The following C8B variants were observed in gnomAD, a reference collection of about 807,000 sequenced individuals.
The protein encoded by C8B is complement component C8 beta chain.
In C8B, 67 loss-of-function variants were observed where a neutral mutation model predicts 64.6. The ratio of observed to expected loss-of-function variants is 1.04; its 90% CI spans 0.85 to 1.27. The LOEUF is 1.27. Ranked by LOEUF, C8B falls within the 50% of genes most tolerant of loss-of-function variation. The pLI, the probability that C8B is intolerant of heterozygous loss-of-function variation, is 0.00. For missense variants in C8B, 790 were observed against 725.2 expected (o/e 1.09, Z -1.03); for synonymous variants, 284 against 257.7 (o/e 1.10, Z -0.98).
intron 8 of C8B, among the ~76,000 whole-genome samples, chr1:56,942,281 C>T (rs1166307286): frequency 6.6e-6 from 1 of 152,144 alleles, no homozygotes; most frequent in Non-Finnish European, 1.5e-5. Context: ...ATGCAGCTGA[C>T]ACTTACTAAA....
At chr1:56,963,052 A>G (rs1438210550) in intron 1 of C8B, among the ~76,000 whole-genome samples, 2 of 152,164 alleles carry the variant, frequency 1.3e-5, no homozygotes, top group Non-Finnish European at 2.9e-5. Context: ...TGCGATTGCA[A>G]ATAGAGCTAC....
intron 5 of C8B, 77 bp downstream of exon 5, chr1:56,951,971 T>C: frequency 2.0e-6 from 1 of 491,044 alleles, no homozygotes. Flanking sequence ...GCTAGCAGGC[T>C]GTCAGGCCGG....
At chr1:56,958,432 G>T (rs1434712894) in intron 2 of C8B, among the ~76,000 whole-genome samples, 1 of 152,142 alleles carries the variant, frequency 6.6e-6, no homozygotes, top group Non-Finnish European at 1.5e-5. Flanking sequence ...TACTTGCAAA[G>T]GGTCATTCTT....
At chr1:56,957,249 G>A (rs1193318981) in intron 2 of C8B, among the ~76,000 whole-genome samples, 1 of 152,126 alleles carries the variant, frequency 6.6e-6, no homozygotes, top group Non-Finnish European at 1.5e-5. Context: ...GGAGTCAAAG[G>A]TTAGTAGATG....
At position 56,945,936 on chromosome 1, in the gene C8B, G is replaced by T; in HGVS notation, c.990C>A (p.Tyr330Ter). The stretch of plus-strand genomic sequence containing the variant: ...CACGGAAGAGATCTCTGTATTCCCC[G>T]TAGCTGTACTCCAGGGGCAGCCGCT... ...RVKRLPLEYS[Y>*]GEYRDLFRDF... The change falls in exon 7 of 12, where the codon TAC becomes TAA. Residue 330 changes from tyrosine to a stop codon, truncating the protein, a stop_gained. Transcript: ENST00000371237. LOFTEE classifies it high-confidence loss of function. 9 of 1,614,100 alleles carry T rather than the reference G, an allele frequency of 5.6e-6. No homozygotes were observed. The highest frequency in any genetic ancestry group is 7.6e-6 in the Non-Finnish European group (9 of 1,180,002).
intron 8 of C8B, among the ~76,000 whole-genome samples, chr1:56,941,490 AATAGTAGATAGATAGATAC>A (rs1644854932): frequency 7.2e-6 from 1 of 138,564 alleles, no homozygotes; most frequent in Non-Finnish European, 1.5e-5. Context: ...AATAGTAGAT[AATAGTAGATAGATAGATAC>A]ATAGATAGAT....
chr1:56,965,398 A>AGTGT (rs56761445), intron 1 of C8B, among the ~76,000 whole-genome samples: 5,232 of 142,612 alleles, frequency 0.037, 181 homozygotes, highest in East Asian at 0.16. Flanking sequence ...AGAGAGAGAG[A>AGTGT]GTGTGTGTGT....
intron 1 of C8B, 41 bp downstream of exon 1, chr1:56,965,816 T>C: frequency 2.5e-6 from 4 of 1,599,964 alleles, no homozygotes; most frequent in Non-Finnish European, 3.4e-6. Flanking sequence ...ACCTTCCCTG[T>C]CATATTATTG....
chr1:56,958,330 A>G (rs937618459), intron 2 of C8B, among the ~76,000 whole-genome samples: 4 of 152,194 alleles, frequency 2.6e-5, no homozygotes, highest in African/African-American at 9.7e-5. Flanking sequence ...GATGACATTA[A>G]TAAGGCATAG....
At chr1:56,963,748 G>GA in intron 1 of C8B, 1 of 502,502 alleles carries the variant, frequency 2.0e-6, no homozygotes, top group Non-Finnish European at 2.6e-6. Flanking sequence ...CCCTCTCTGT[G>GA]AAACTGTAAA....
intron 7 of C8B, among the ~76,000 whole-genome samples, chr1:56,945,206 TGAA>T (rs1644923498): frequency 6.6e-6 from 1 of 152,140 alleles, no homozygotes; most frequent in African/African-American, 2.4e-5. Flanking sequence ...ATTTTGAATG[TGAA>T]GGTCTGGTCA....
intron 2 of C8B, chr1:56,959,515 A>G (rs1405566934): frequency 2.1e-6 from 3 of 1,396,520 alleles, no homozygotes; most frequent in Non-Finnish European, 2.9e-6. Context: ...AGGAAGTGGG[A>G]AATGTCATCC....
intron 9 of C8B, 105 bp downstream of exon 9, chr1:56,940,744 G>T: frequency 7.8e-7 from 1 of 1,285,618 alleles, no homozygotes; most frequent in Non-Finnish European, 1.1e-6. Flanking sequence ...CCAAAATTAG[G>T]GCCTGGGTCT....
chr1:56,960,573 T>A (rs796073562), intron 1 of C8B, among the ~76,000 whole-genome samples: 5 of 152,100 alleles, frequency 3.3e-5, no homozygotes, highest in African/African-American at 1.2e-4. Flanking sequence ...GCAGGCCCAG[T>A]GGGAGTCAGG....
At chr1:56,965,398 A>AGAGAGT (rs1553120321) in intron 1 of C8B, among the ~76,000 whole-genome samples, 4,807 of 142,620 alleles carry the variant, frequency 0.034, 275 homozygotes, top group Admixed American at 0.17. Context: ...AGAGAGAGAG[A>AGAGAGT]GTGTGTGTGT....
Position 56,931,902 on chromosome 1 carries a change from T to G in C8B, c.1553-24A>C, listed in dbSNP as rs369939729. 3.6e-4 allele frequency: 574 copies of G among 1,583,886 alleles called. 1 individual carries two copies. Among genetic ancestry groups the G allele is most frequent in the Admixed American group, 4.8e-4 (29 of 59,864 alleles). Reference sequence around the variant, plus strand: ...TCCTGAGAAGACAAGGCAGAGAAAGTGTGAATCATGCCAGGTGGAGCAAAG... The same window carrying G: ...TCCTGAGAAGACAAGGCAGAGAAAGGGTGAATCATGCCAGGTGGAGCAAAG... On this transcript the variant is annotated intron_variant, in intron 10 of 11. Coordinates refer to ENST00000371237, the MANE Select transcript of C8B (RefSeq NM_000066.4).
Position 56,965,930 on chromosome 1 carries a change from A to T in C8B, c.19T>A (p.Trp7Arg). 1 of 1,613,952 alleles carries T rather than the reference A, an allele frequency of 6.2e-7. No individual in the cohort carries two copies. Among genetic ancestry groups the T allele is most frequent in the Non-Finnish European group, 8.5e-7 (1 of 1,179,990 alleles). ...AGCTCCACCGGCGCCCTCCAAGCCC[A>T]TGTCCTGGAATTCTTCATTTTCCCA... is the stretch of plus-strand genomic sequence containing the variant. MKNSRT[W>R]AWRAPVELFL... Residue 7 changes from tryptophan (W) to arginine (R), a missense_variant, in exon 1 of 12, where the codon TGG becomes AGG. Physicochemically the swap from Trp to Arg is moderately radical, Grantham distance 101. Transcript: ENST00000371237.
At chr1:56,960,689 C>G (rs1000315675) in intron 1 of C8B, among the ~76,000 whole-genome samples, 1 of 152,214 alleles carries the variant, frequency 6.6e-6, no homozygotes, top group Non-Finnish European at 1.5e-5. Flanking sequence ...TGGGGAGAAC[C>G]AGCATATGAG....
rs997064749 is a variant in C8B at position 56,929,400 on chromosome 1, T to C, written c.*4A>G. The C allele has an allele frequency of 4.3e-6, 7 of 1,612,068 alleles. No individual in the cohort carries two copies. The highest frequency in any genetic ancestry group is 5.9e-6 in the Non-Finnish European group (7 of 1,179,848). On this transcript the variant is annotated 3_prime_UTR_variant, in exon 12 of 12. Transcript: ENST00000371237. ...TTGTATGTAGCCCACTGCTGTATCA[T>C]CTGCTAGGAGCAGTCAAGTGTTTCT...
Sources: gnomAD v4.1 joint callset for allele counts (sites outside exome capture counted in the v4.1 genomes callset) on GRCh38, gnomAD v4.1.1 for gene constraint, MANE v1.5 for transcripts, NCBI Gene and HGNC (gene_info 2026-07-23, HGNC 2026-07-21) for gene names.